The following ATP11B variants were observed in gnomAD, a reference collection of about 807,000 sequenced individuals.
The protein encoded by ATP11B is ATPase phospholipid transporting 11B (putative).
Under a neutral mutation model 157.8 loss-of-function variants are expected in ATP11B, and 81 were observed. That is an observed-to-expected ratio of 0.51 (90% CI 0.43 to 0.62). ATP11B has a LOEUF of 0.62. Ranked by LOEUF, ATP11B falls within the 20% of genes least tolerant of loss-of-function variation. The pLI, the probability that ATP11B is intolerant of heterozygous loss-of-function variation, is 0.00. For synonymous variants in ATP11B, 451 were observed against 469.4 expected (o/e 0.96, Z 0.51); for missense variants, 1,165 against 1,402.2 (o/e 0.83, Z 2.70).
chr3:182,887,105 A>G (rs1446523858), intron 23 of ATP11B, among the ~76,000 whole-genome samples: 1 of 152,202 alleles, frequency 6.6e-6, no homozygotes, highest in Non-Finnish European at 1.5e-5. Context: ...TTAGAGGAGC[A>G]AGATATCGTT....
chr3:182,861,476 G>T (rs1235785821), intron 12 of ATP11B, among the ~76,000 whole-genome samples: 1 of 152,162 alleles, frequency 6.6e-6, no homozygotes, highest in South Asian at 2.1e-4. Context: ...CCTGAAGTTT[G>T]CCTGTGGAAG....
chr3:182,913,874 A>T lies in ATP11B; in HGVS notation c.3332A>T (p.Asn1111Ile). ...CACCTCCCGCAGCTTACTGAAACAAATGCAGGTATCAAGTGCTTGGACTCC... is the reference window on the plus strand; with the variant it reads ...CACCTCCCGCAGCTTACTGAAACAATTGCAGGTATCAAGTGCTTGGACTCC... ...STEKAQLTET[N>I]AGIKCLDSMC... Residue 1111 changes from asparagine to isoleucine, a missense_variant, in exon 29 of 30, where the codon AAT (asparagine) becomes ATT (isoleucine). Physicochemically the swap from Asn to Ile is moderately radical, Grantham distance 149 (BLOSUM62 -3). Coordinates refer to ENST00000323116, the MANE Select transcript of ATP11B (RefSeq NM_014616.3). The T allele has an allele frequency of 6.2e-7, 1 of 1,614,142 alleles. No individual in the cohort carries two copies. The highest frequency in any genetic ancestry group is 1.1e-5 in the South Asian group (1 of 91,084).
At chr3:182,900,515 A>G (rs767975702) in intron 28 of ATP11B, among the ~76,000 whole-genome samples, 5 of 152,168 alleles carry the variant, frequency 3.3e-5, no homozygotes, top group African/African-American at 4.8e-5. Flanking sequence ...ATATATTTAT[A>G]TCAGTGTGGA....
chr3:182,874,037 T>A (rs778584738), intron 19 of ATP11B, 22 bp downstream of exon 19: 1 of 1,604,426 alleles, frequency 6.2e-7, no homozygotes, highest in South Asian at 1.1e-5. Flanking sequence ...GGAACCTGTA[T>A]CATACCTTTC....
intron 3 of ATP11B, 119 bp from the exon 4 acceptor site, chr3:182,829,548 AAAGTG>A: frequency 1.4e-6 from 1 of 703,420 alleles, no homozygotes; most frequent in Non-Finnish European, 2.4e-6. Context: ...AATAGCCAAC[AAAGTG>A]AAGTTGTGAA....
chr3:182,863,935 G>T (rs1041622395), intron 12 of ATP11B, among the ~76,000 whole-genome samples: 2 of 151,808 alleles, frequency 1.3e-5, no homozygotes, highest in Non-Finnish European at 2.9e-5. Context: ...CTTGCATGGG[G>T]TCTTTAAATT....
intron 1 of ATP11B, among the ~76,000 whole-genome samples, chr3:182,794,603 CA>C (rs1157306682): frequency 6.6e-6 from 1 of 152,080 alleles, no homozygotes; most frequent in African/African-American, 2.4e-5. Flanking sequence ...ACACCACCAA[CA>C]AAAAATCTTA....
At position 182,876,258 on chromosome 3, in the gene ATP11B, T is replaced by C. The variant is rs576251744; in HGVS notation, c.2252+2243T>C. Among the ~76,000 whole-genome samples the C allele has an allele frequency of 1.8e-4, 27 of 152,316 alleles. No homozygotes were observed. In the South Asian group the frequency reaches 5.4e-3, roughly 30 times the overall value. On this transcript the variant is annotated intron_variant, in intron 19 of 29. Coordinates refer to ENST00000323116, the MANE Select transcript of ATP11B (RefSeq NM_014616.3). ...TTTCTGATTATAAAAATAATAAATG[T>C]CTACTTGAAAAATACTGAAAATTGT... is the stretch of plus-strand genomic sequence containing the variant.
rs1416014875 is a variant in ATP11B at position 182,867,407 on chromosome 3, G to T, written c.1651G>T (p.Glu551Ter). 1.2e-6 allele frequency: 2 copies of T among 1,611,172 alleles called. No individual in the cohort carries two copies. Among genetic ancestry groups the T allele is most frequent in the Non-Finnish European group, 1.7e-6 (2 of 1,177,684 alleles). ...TATTGTGTTTATTGGCAATTCTGAAGAAACTATGGAGGTTAAAACTCTTGG... is the reference window on the plus strand; with the variant it reads ...TATTGTGTTTATTGGCAATTCTGAATAAACTATGGAGGTTAAAACTCTTGG... ...IGIVFIGNSE[E>*]TMEVKTLGKL... is the part of the protein sequence containing the mutation. The change falls in exon 15 of 30, where the codon GAA becomes TAA. Residue 551 changes from glutamate to a stop codon, truncating the protein, a stop_gained. Coordinates refer to ENST00000323116, the MANE Select transcript of ATP11B (RefSeq NM_014616.3). LOFTEE classifies it high-confidence loss of function.
intron 29 of ATP11B, chr3:182,914,831 A>T (rs922801266): frequency 2.0e-6 from 2 of 985,292 alleles, no homozygotes; most frequent in Non-Finnish European, 2.4e-6. Context: ...GGGGGTAGAA[A>T]GAGCTTTTTC....
chr3:182,839,136 A>G (rs1458272996), intron 7 of ATP11B, among the ~76,000 whole-genome samples: 1 of 152,226 alleles, frequency 6.6e-6, no homozygotes, highest in Non-Finnish European at 1.5e-5. Context: ...TTGCAGGAAC[A>G]TGGATAGAGC....
intron 19 of ATP11B, among the ~76,000 whole-genome samples, chr3:182,878,388 G>A (rs1722192667): frequency 6.6e-6 from 1 of 152,060 alleles, no homozygotes; most frequent in South Asian, 2.1e-4. Flanking sequence ...ATTTTCTTGT[G>A]GTGTATATAG....
At chr3:182,882,845 G>A (rs945160005) in intron 21 of ATP11B, among the ~76,000 whole-genome samples, 7 of 152,058 alleles carry the variant, frequency 4.6e-5, no homozygotes, top group African/African-American at 1.7e-4. Flanking sequence ...TAAGAAAAAC[G>A]TTCCAGTAGA....
chr3:182,857,942 A>G lies in ATP11B; in HGVS notation c.916A>G (p.Ile306Val), dbSNP rs768722992. ...ILISEAVISTILKYTWQAEEK... is the reference protein window; with the variant it reads ...ILISEAVISTVLKYTWQAEEK... Reference sequence around the variant, plus strand: ...TATATCTGAAGCTGTCATCAGCACTATCTTGAAGTATACATGGCAAGCTGA... The same window carrying G: ...TATATCTGAAGCTGTCATCAGCACTGTCTTGAAGTATACATGGCAAGCTGA... Residue 306 changes from isoleucine (I) to valine (V), a missense_variant, in exon 11 of 30, where the codon ATC becomes GTC. Coordinates refer to ENST00000323116, the MANE Select transcript of ATP11B (RefSeq NM_014616.3). 6 of 1,600,826 alleles carry G rather than the reference A, an allele frequency of 3.7e-6. No homozygotes were observed. In the South Asian group the frequency reaches 5.5e-5, roughly 15 times the overall value.
At chr3:182,885,708 G>T (rs1722751651) in intron 22 of ATP11B, among the ~76,000 whole-genome samples, 1 of 152,054 alleles carries the variant, frequency 6.6e-6, no homozygotes, top group Non-Finnish European at 1.5e-5. Context: ...GTGTTGCTTG[G>T]CAGTGAGAGG....
intron 19 of ATP11B, among the ~76,000 whole-genome samples, chr3:182,877,268 A>T (rs1412326092): frequency 1.3e-5 from 2 of 152,204 alleles, no homozygotes; most frequent in African/African-American, 4.8e-5. Flanking sequence ...TGAACAACCA[A>T]TGACTGTGTT....
chr3:182,839,276 G>A (rs757153229), intron 7 of ATP11B, among the ~76,000 whole-genome samples: 1 of 152,114 alleles, frequency 6.6e-6, no homozygotes, highest in Non-Finnish European at 1.5e-5. Context: ...GGGGCATACT[G>A]GAGGATGGAG....
rs144314696 is a variant in ATP11B at position 182,847,113 on chromosome 3, C to T, written c.770-1363C>T. On this transcript the variant is annotated intron_variant, in intron 9 of 29. Transcript: ENST00000323116. Reference sequence around the variant, plus strand: ...TTGCCCAGGCTGGAGTATAGTTGCACGATCTCGGCTCATTGCAACCTCTGC... The same window carrying T: ...TTGCCCAGGCTGGAGTATAGTTGCATGATCTCGGCTCATTGCAACCTCTGC... Among the ~76,000 whole-genome samples, 312 of 148,902 alleles carry T rather than the reference C, an allele frequency of 2.1e-3. 3 individuals carry two copies. Among genetic ancestry groups the T allele is most frequent in the Middle Eastern group, 0.01 (3 of 288 alleles).
intron 2 of ATP11B, among the ~76,000 whole-genome samples, chr3:182,825,419 T>G (rs947197470): frequency 6.6e-6 from 1 of 152,150 alleles, no homozygotes; most frequent in Admixed American, 6.6e-5. Flanking sequence ...TACATTATCT[T>G]AAATTTAAAC....
Sources: allele counts gnomAD v4.1 joint callset (sites outside exome capture counted in the v4.1 genomes callset), GRCh38; gene constraint gnomAD v4.1.1; transcripts MANE v1.5; gene names NCBI Gene and HGNC (gene_info 2026-07-23, HGNC 2026-07-21).